TENM4: variants seen among roughly 807,000 people sequenced by gnomAD.
TENM4 encodes teneurin-4.
In TENM4, 82 loss-of-function variants were observed where a neutral mutation model predicts 243.3. The observed-to-expected ratio is 0.34, with a 90% CI of 0.28 to 0.40. The LOEUF is 0.40. Ranked by LOEUF, TENM4 falls within the 10% of genes least tolerant of loss-of-function variation. The pLI, the probability that TENM4 is intolerant of heterozygous loss-of-function variation, is 1.00. For missense variants in TENM4, 3,138 were observed against 3,673.3 expected (o/e 0.85, Z 3.77); for synonymous variants, 1,412 against 1,456.3 (o/e 0.97, Z 0.69).
chr11:78,887,654 G>C (rs942636331), intron 9 of TENM4, among the ~76,000 whole-genome samples: 1 of 152,174 alleles, frequency 6.6e-6, no homozygotes. Context: ...TATTCTAAGT[G>C]GTCCCTGAGC....
intron 6 of TENM4, among the ~76,000 whole-genome samples, chr11:79,041,387 A>T (rs1332400438): frequency 2.0e-5 from 3 of 151,336 alleles, no homozygotes; most frequent in African/African-American, 7.3e-5. Flanking sequence ...GAAGCCCCAG[A>T]TTTCTTATCT....
In TENM4 at chr11:78,902,103, T is replaced by C. The variant is rs577464991; in HGVS notation, c.749+1165A>G. 4.2e-4 allele frequency among the ~76,000 whole-genome samples: 64 copies of C among 152,296 alleles called. 3 individuals carry two copies. In the South Asian group the frequency reaches 0.012, roughly 29 times the overall value. ...GGAGTTTGGGGAAATAAAATCTACG[T>C]TTCCCACTACTTTAGGAAGTAGGGT... On this transcript the variant is annotated intron_variant, in intron 7 of 33. Transcript: ENST00000278550.
At chr11:79,307,580 T>C (rs1856647535) in intron 1 of TENM4, among the ~76,000 whole-genome samples, 1 of 152,192 alleles carries the variant, frequency 6.6e-6, no homozygotes, top group South Asian at 2.1e-4. Flanking sequence ...CCAGTCTCCC[T>C]GCACTCGTCC....
intron 2 of TENM4, among the ~76,000 whole-genome samples, chr11:79,259,666 C>T (rs200493367): frequency 4.8e-5 from 5 of 104,350 alleles, no homozygotes; most frequent in African/African-American, 1.9e-4. Flanking sequence ...TCTATCCATC[C>T]ATCCATCCAT....
chr11:78,669,896 C>T lies in TENM4; in HGVS notation c.6449G>A (p.Arg2150Lys). 6.2e-7 allele frequency: 1 copy of T among 1,613,856 alleles called. No homozygotes were observed. Among genetic ancestry groups the T allele is most frequent in the Non-Finnish European group, 8.5e-7 (1 of 1,179,846 alleles). ...GATCTCATACTGCACTTCCTTCATC[C>T]TGCCATATGCATCAAAATGCTTGGT... ...THTKHFDAYG[R>K]MKEVQYEIFR... The change falls in exon 32 of 34, where the codon AGG becomes AAG. Residue 2150 changes from arginine (R) to lysine (K), a missense_variant. Coordinates refer to ENST00000278550, the MANE Select transcript of TENM4 (RefSeq NM_001098816.3). The surrounding 1 kb of genome is among the most constrained non-coding windows in gnomAD (Gnocchi z 6.4).
At chr11:78,852,752 T>C (rs1858570211) in intron 12 of TENM4, among the ~76,000 whole-genome samples, 1 of 152,130 alleles carries the variant, frequency 6.6e-6, no homozygotes, top group Non-Finnish European at 1.5e-5. Context: ...AGAGATTTTT[T>C]GGGGTTTGTT....
chr11:78,846,198 T>G (rs1336856816), intron 12 of TENM4, among the ~76,000 whole-genome samples: 1 of 152,272 alleles, frequency 6.6e-6, no homozygotes, highest in African/African-American at 2.4e-5. Flanking sequence ...ATTAGATCTC[T>G]GAGCCTCATT....
chr11:79,306,733 A>T (rs1228196523), intron 1 of TENM4, among the ~76,000 whole-genome samples: 3 of 152,148 alleles, frequency 2.0e-5, no homozygotes, highest in Non-Finnish European at 4.4e-5. Flanking sequence ...CACCATGCCC[A>T]TTTACAACCA....
chr11:78,878,274 C>T (rs547150057), intron 9 of TENM4, among the ~76,000 whole-genome samples: 5 of 152,276 alleles, frequency 3.3e-5, no homozygotes, highest in South Asian at 4.1e-4. Context: ...ACGCCAGACC[C>T]GGCACAAGAA....
intron 12 of TENM4, among the ~76,000 whole-genome samples, chr11:78,840,431 A>G (rs750695236): frequency 2.0e-5 from 3 of 152,250 alleles, no homozygotes; most frequent in Non-Finnish European, 4.4e-5. Context: ...AGATAAAGGC[A>G]TGAACAAGCA....
At chr11:79,316,757 C>G (rs569296) in intron 1 of TENM4, among the ~76,000 whole-genome samples, 52,453 of 152,032 alleles carry the variant, frequency 0.35, 9,254 homozygotes, top group South Asian at 0.51. Context: ...GTCAATAGCC[C>G]TGGTGTTTTG....
chr11:79,251,976 A>C (rs1192170714), intron 2 of TENM4, among the ~76,000 whole-genome samples: 1 of 152,224 alleles, frequency 6.6e-6, no homozygotes, highest in Non-Finnish European at 1.5e-5. Flanking sequence ...TGTCAAAACA[A>C]AAGAGGGCAA....
intron 6 of TENM4, among the ~76,000 whole-genome samples, chr11:78,939,502 ACT>A (rs1856847525): frequency 6.6e-6 from 1 of 151,842 alleles, no homozygotes; most frequent in African/African-American, 2.4e-5. Context: ...TACCCAAAAA[ACT>A]CTTTCTTGCT....
intron 3 of TENM4, among the ~76,000 whole-genome samples, chr11:79,184,378 A>G (rs1248391682): frequency 2.0e-5 from 3 of 152,128 alleles, no homozygotes; most frequent in East Asian, 3.9e-4. Flanking sequence ...CTCCATGCTC[A>G]GTTAACAATA....
At chr11:78,854,698 C>G (rs538736391) in intron 11 of TENM4, among the ~76,000 whole-genome samples, 28 of 152,174 alleles carry the variant, frequency 1.8e-4, no homozygotes, top group Admixed American at 1.7e-3. Context: ...TCATGCAAGT[C>G]CTGACAAGAA....
chr11:79,004,584 TC>T (rs923589194), intron 6 of TENM4, among the ~76,000 whole-genome samples: 5 of 151,990 alleles, frequency 3.3e-5, no homozygotes, highest in African/African-American at 1.2e-4. Flanking sequence ...ATACAACATA[TC>T]AGGATCTCTA....
chr11:79,063,981 T>C (rs745481481), intron 6 of TENM4, among the ~76,000 whole-genome samples: 23 of 152,192 alleles, frequency 1.5e-4, no homozygotes, highest in Admixed American at 5.2e-4. Flanking sequence ...AATAGACAGA[T>C]AATAATTGTA....
chr11:79,344,140 G>A (rs146783578), intron 1 of TENM4, among the ~76,000 whole-genome samples: 129 of 152,308 alleles, frequency 8.5e-4, no homozygotes, highest in African/African-American at 2.8e-3. Flanking sequence ...GTACACAGTA[G>A]GCACTTAATA....
At chr11:78,855,336 G>A (rs1047905893) in intron 11 of TENM4, among the ~76,000 whole-genome samples, 3 of 152,190 alleles carry the variant, frequency 2.0e-5, no homozygotes, top group African/African-American at 7.2e-5. Flanking sequence ...CCTTGCACAA[G>A]TGTCTGTTCT....
Sources: gnomAD v4.1 joint callset for allele counts (sites outside exome capture counted in the v4.1 genomes callset) on GRCh38, gnomAD v4.1.1 for gene constraint, Gnocchi (gnomAD v3.1) non-coding constraint, MANE v1.5 for transcripts, NCBI Gene and HGNC (gene_info 2026-07-23, HGNC 2026-07-21) for gene names.